The following MDM1 variants were observed in gnomAD, a reference collection of about 807,000 sequenced individuals.
MDM1 encodes Mdm1 nuclear protein.
A neutral mutation model predicts 89.1 loss-of-function variants in MDM1; 61 were observed. That is an observed-to-expected ratio of 0.68 (90% CI 0.56 to 0.85). MDM1 has a LOEUF of 0.85. MDM1 is among the 40% of genes least tolerant of loss of function. The pLI is 0.00. For synonymous variants in MDM1, 290 were observed against 294.1 expected (o/e 0.99, Z 0.14); for missense variants, 820 against 846.5 (o/e 0.97, Z 0.39).
chr12:68,323,335 G>A (rs1875496347), intron 4 of MDM1, 95 bp from the exon 5 acceptor site: 1 of 866,420 alleles, frequency 1.2e-6, no homozygotes, highest in Non-Finnish European at 1.7e-6. Context: ...TGAATTACAG[G>A]ACAAAAAAAT....
intron 10 of MDM1, 62 bp downstream of exon 10, chr12:68,314,886 A>C: frequency 7.3e-7 from 1 of 1,371,046 alleles, no homozygotes; most frequent in Non-Finnish European, 1.0e-6. Flanking sequence ...ATATTTAGTG[A>C]CAAAATACAT....
At position 68,323,183 on chromosome 12, in the gene MDM1, C is replaced by G; in HGVS notation, c.691G>C (p.Glu231Gln). 6.2e-7 allele frequency: 1 copy of G among 1,609,578 alleles called. No individual in the cohort carries two copies. The highest frequency in any genetic ancestry group is 1.7e-5 in the Admixed American group (1 of 58,966). ...PPFKGNSVIH[E>Q]TEYKRNFKGL... is the part of the protein sequence containing the mutation. ...TTGAAATTTCTTTTGTATTCAGTTT[C>G]ATGGATGACTGAGTTACCTTTGAAT... is the stretch of plus-strand genomic sequence containing the variant. Residue 231 changes from glutamate (E) to glutamine (Q), a missense_variant, in exon 5 of 15, where the codon GAA (glutamate) becomes CAA (glutamine). Transcript: ENST00000682720.
rs1876719255 is a variant in MDM1, at chr12:68,331,015, A to T, written c.133+92T>A. ...TTTTAATATATCATTTGGTAAACTT[A>T]GCCCAAGGTTTACTTAGCCCAAGTT... On this transcript the variant is annotated intron_variant, in intron 2 of 14. Transcript: ENST00000682720. The T allele has an allele frequency of 3.1e-5, 22 of 720,688 alleles. No individual in the cohort carries two copies. In the South Asian group the frequency reaches 3.5e-4, roughly 12 times the overall value. 44.6% of individuals were successfully genotyped at this position (720,688 alleles called of 1,614,324 possible). A position where few individuals can be genotyped will look rare whatever the true frequency, so the allele number is the denominator to read the frequency against.
chr12:68,328,075 T>C (rs761702518), intron 2 of MDM1, among the ~76,000 whole-genome samples: 1 of 152,180 alleles, frequency 6.6e-6, no homozygotes, highest in Non-Finnish European at 1.5e-5. Context: ...GACACACCTC[T>C]TAACCAGCCT....
intron 14 of MDM1, 127 bp downstream of exon 14, chr12:68,296,796 G>T: frequency 1.8e-6 from 1 of 564,098 alleles, no homozygotes; most frequent in Non-Finnish European, 2.9e-6. Flanking sequence ...CCCTCACAGG[G>T]TTTCAAGGAT....
intron 3 of MDM1, chr12:68,326,363 T>G: frequency 7.1e-7 from 1 of 1,417,004 alleles, no homozygotes. Context: ...TGTCTCAACT[T>G]GATCTCTCCC....
At chr12:68,304,441 T>C (rs1178761733) in intron 12 of MDM1, among the ~76,000 whole-genome samples, 2 of 152,334 alleles carry the variant, frequency 1.3e-5, no homozygotes, top group South Asian at 2.1e-4. Context: ...AGCTTATTGC[T>C]TCAAACTGGC....
At chr12:68,319,739 C>T (rs538641119) in intron 7 of MDM1, among the ~76,000 whole-genome samples, 3 of 152,292 alleles carry the variant, frequency 2.0e-5, no homozygotes, top group East Asian at 3.9e-4. Flanking sequence ...AACTATACCA[C>T]TAATTTAAAT....
chr12:68,326,232 C>T (rs1875953792), intron 3 of MDM1: 1 of 1,126,382 alleles, frequency 8.9e-7, no homozygotes, highest in African/African-American at 1.6e-5. Context: ...AGCTCTCCTT[C>T]CTTTTGCATT....
At chr12:68,318,073 G>A (rs1165593099) in intron 7 of MDM1, among the ~76,000 whole-genome samples, 2 of 152,188 alleles carry the variant, frequency 1.3e-5, no homozygotes, top group Non-Finnish European at 2.9e-5. Context: ...CCTGAGTGCA[G>A]ACTAAGTGGT....
chr12:68,306,161 T>C (rs1053745107), intron 12 of MDM1, among the ~76,000 whole-genome samples: 3 of 151,666 alleles, frequency 2.0e-5, no homozygotes, highest in Admixed American at 1.3e-4. Context: ...AAATGAACAA[T>C]GGAAAAAGGA....
At position 68,321,327 on chromosome 12, in the gene MDM1, T is replaced by A. The variant is rs556448479; in HGVS notation, c.1005+20A>T. 6.3e-7 allele frequency: 1 copy of A among 1,587,262 alleles called. No homozygotes were observed. ...GAGGCTGAAAGAACATGTAGGCTTA[T>A]TGAGGTCATGTACACTCACCTGATT... On this transcript the variant is annotated intron_variant, in intron 7 of 14. Coordinates refer to ENST00000682720, the MANE Select transcript of MDM1 (RefSeq NM_001354969.2).
At chr12:68,326,403 T>C in intron 3 of MDM1, 1 of 1,445,802 alleles carries the variant, frequency 6.9e-7, no homozygotes, top group East Asian at 2.5e-5. Flanking sequence ...ATATGATGAA[T>C]AAAATCCAGA....
intron 12 of MDM1, among the ~76,000 whole-genome samples, chr12:68,312,345 G>A (rs759313149): frequency 6.6e-5 from 10 of 152,108 alleles, no homozygotes; most frequent in Non-Finnish European, 1.0e-4. Flanking sequence ...GTTAAATGGC[G>A]ACTCCATCCT....
At chr12:68,322,838 A>G (rs754936666) in intron 5 of MDM1, among the ~76,000 whole-genome samples, 3 of 152,090 alleles carry the variant, frequency 2.0e-5, no homozygotes, top group Non-Finnish European at 4.4e-5. Flanking sequence ...TATCATTTTT[A>G]TTTATGTCTG....
intron 3 of MDM1, chr12:68,326,202 G>T: frequency 9.3e-7 from 1 of 1,076,472 alleles, no homozygotes; most frequent in Non-Finnish European, 1.1e-6. Flanking sequence ...AGAAATGCAA[G>T]ATCTCTGAGA....
chr12:68,321,972 C>T (rs1875291587), intron 5 of MDM1, among the ~76,000 whole-genome samples: 1 of 152,150 alleles, frequency 6.6e-6, no homozygotes, highest in Admixed American at 6.5e-5. Context: ...AATTGCGTTA[C>T]AGTAATTAAA....
intron 14 of MDM1, among the ~76,000 whole-genome samples, chr12:68,296,095 T>C (rs1204551758): frequency 6.6e-6 from 1 of 152,244 alleles, no homozygotes; most frequent in Non-Finnish European, 1.5e-5. Flanking sequence ...AATTCAAACT[T>C]TGTAAGTTCA....
At chr12:68,315,936 G>A (rs1385403540) in intron 9 of MDM1, 142 bp downstream of exon 9, 6 of 610,072 alleles carry the variant, frequency 9.8e-6, no homozygotes, top group Non-Finnish European at 1.3e-5. Flanking sequence ...TTTTCACTGA[G>A]AATAAAAATG....
Sources: allele counts gnomAD v4.1 joint callset (sites outside exome capture counted in the v4.1 genomes callset), GRCh38; gene constraint gnomAD v4.1.1; transcripts MANE v1.5; gene names NCBI Gene and HGNC (gene_info 2026-07-23, HGNC 2026-07-21).